The following COPE variants were observed in gnomAD, a reference collection of about 807,000 sequenced individuals.
The protein encoded by COPE is coat protein complex I subunit epsilon.
A neutral mutation model predicts 42.1 loss-of-function variants in COPE; 19 were observed. That is an observed-to-expected ratio of 0.45 (90% CI 0.31 to 0.66). COPE has a LOEUF of 0.66. COPE is among the 30% of genes least tolerant of loss of function. The probability of loss-of-function intolerance (pLI) is 0.05; values close to 1 mark genes in which losing one functional copy is unlikely to be tolerated. For synonymous variants in COPE, 195 were observed against 181.3 expected (o/e 1.08, Z -0.60); for missense variants, 402 against 416.1 (o/e 0.97, Z 0.30).
In COPE at chr19:18,913,014, G is replaced by A. The variant is rs750889117; in HGVS notation, c.159C>T (p.Asp53=). ...LSSPERDVER[D]VFLYRAYLAQ... ...CCAGGTACGCTCTATACAGGAAGAC[G>A]TCCCTCTCCACGTCTCTCTCTGGGC... is the stretch of plus-strand genomic sequence containing the variant. Residue 53 remains aspartate (D), a synonymous_variant, in exon 2 of 10, where the codon GAC becomes GAT. Transcript: ENST00000262812. The A allele has an allele frequency of 7.4e-6, 12 of 1,611,834 alleles. No homozygotes were observed. Among genetic ancestry groups the A allele is most frequent in the Middle Eastern group, 1.6e-4 (1 of 6,082 alleles).
intron 1 of COPE, among the ~76,000 whole-genome samples, chr19:18,915,457 T>C (rs969492055): frequency 6.6e-6 from 1 of 152,234 alleles, no homozygotes; most frequent in East Asian, 1.9e-4. Flanking sequence ...GGAACCGTTG[T>C]GGTTTTCCTC....
Position 18,910,951 on chromosome 19 carries a change from C to T in COPE, c.290+20G>A, listed in dbSNP as rs1411639027. 6.2e-7 allele frequency: 1 copy of T among 1,612,036 alleles called. No homozygotes were observed. Among genetic ancestry groups the T allele is most frequent in the South Asian group, 1.1e-5 (1 of 91,052 alleles). On this transcript the variant is annotated intron_variant, in intron 3 of 9. Coordinates refer to ENST00000262812, the MANE Select transcript of COPE (RefSeq NM_007263.4). ...AAGATGGCCCCGCGCCTCAGGCCAA[C>T]CCATTCTCTGGGGCCTCACCTCCGA... is the stretch of plus-strand genomic sequence containing the variant.
Position 18,900,389 on chromosome 19 carries a change from G to A in COPE, c.796C>T (p.Pro266Ser). Residue 266 changes from proline to serine, a missense_variant, in exon 8 of 10, where the codon CCC becomes TCC. Coordinates refer to ENST00000262812, the MANE Select transcript of COPE (RefSeq NM_007263.4). ...CCCTGGGGGCCGCTTACCTCAGGGG[G>A]CTTGCCCAGGTGCTGGGACAGGACG... ...LIVLSQHLGK[P>S]PEVTNRYLSQ... 4 of 1,548,680 alleles carry A rather than the reference G, an allele frequency of 2.6e-6. No individual in the cohort carries two copies. Among genetic ancestry groups the A allele is most frequent in the Non-Finnish European group, 3.5e-6 (4 of 1,145,606 alleles).
At position 18,919,250 on chromosome 19, in the gene COPE, C is replaced by A. The variant is rs771538362; in HGVS notation, c.99G>T (p.Gln33His). The A allele has an allele frequency of 1.2e-6, 2 of 1,613,764 alleles. No homozygotes were observed. The highest frequency in any genetic ancestry group is 1.7e-6 in the Non-Finnish European group (2 of 1,179,966). The change falls in exon 1 of 10, where the codon CAG (glutamine) becomes CAT (histidine). Residue 33 changes from glutamine (Q) to histidine (H), a missense_variant. Coordinates refer to ENST00000262812, the MANE Select transcript of COPE (RefSeq NM_007263.4). ...KNAFYIGSYQ[Q>H]CINEAQRVKL... ...TCACCCGCTGCGCCTCGTTTATGCA[C>A]TGCTGGTAGCTGCCGATGTAGAAGG...
chr19:18,900,023 G>A lies in COPE; in HGVS notation c.805-76C>T, dbSNP rs543731999. On this transcript the variant is annotated intron_variant, in intron 8 of 9. Transcript: ENST00000262812. ...GGCTCTGACCTGCTGGACAGGGGTG[G>A]ATTGGGGTGAGAGCCACAGTACCCC... The A allele has an allele frequency of 4.5e-6, 6 of 1,324,214 alleles. No individual in the cohort carries two copies. In the African/African-American group the frequency reaches 5.8e-5, roughly 13 times the overall value. The allele number at this position is 1,324,214 out of a possible 1,614,324, so 82.0% of individuals were successfully genotyped here.
chr19:18,916,267 G>C (rs2056852846), intron 1 of COPE, among the ~76,000 whole-genome samples: 1 of 150,694 alleles, frequency 6.6e-6, no homozygotes, highest in Non-Finnish European at 1.5e-5. Context: ...GCAGGAGAAT[G>C]GTGTGAACCC....
At chr19:18,905,745 C>T in intron 4 of COPE, 116 bp from the exon 5 acceptor site, 1 of 1,011,340 alleles carries the variant, frequency 9.9e-7, no homozygotes, top group Non-Finnish European at 1.4e-6. Flanking sequence ...GTGCTTAGGA[C>T]CACCAGCCCC....
In COPE at chr19:18,902,716, A is replaced by AAAGGAAGGAAAGGAAGGAAAGG. The variant is rs1555709088; in HGVS notation, c.735+551_735+552insCCTTTCCTTCCTTTCCTTCCTT. 6.3e-5 allele frequency among the ~76,000 whole-genome samples: 2 copies of AAAGGAAGGAAAGGAAGGAAAGG among 31,854 alleles called. 1 individual carries two copies. Among genetic ancestry groups the AAAGGAAGGAAAGGAAGGAAAGG allele is most frequent in the Non-Finnish European group, 1.2e-4 (2 of 16,520 alleles). The allele number at this position is 31,854 out of a possible 152,430, so 20.9% of individuals were successfully genotyped here. On this transcript the variant is annotated intron_variant, in intron 7 of 9. Transcript: ENST00000262812. ...AGGAAGGAAAGGAAGGAAAGGAAGG[A>AAAGGAAGGAAAGGAAGGAAAGG]AAGGAAAGGAAGGAAAGGAAGGAAA...
rs777297186 is a variant in COPE at position 18,903,271 on chromosome 19, G to C, written c.732C>G (p.Asp244Glu). The C allele has an allele frequency of 1.3e-5, 20 of 1,590,446 alleles. No homozygotes were observed. Among genetic ancestry groups the C allele is most frequent in the Non-Finnish European group, 1.6e-5 (19 of 1,168,998 alleles). Residue 244 changes from aspartate to glutamate, a missense_variant, in exon 7 of 10, where the codon GAC (aspartate) becomes GAG (glutamate). Coordinates refer to ENST00000262812, the MANE Select transcript of COPE (RefSeq NM_007263.4). ...AAEGLLQEAL[D>E]KDSGYPETLV... The stretch of plus-strand genomic sequence containing the variant: ...TCTGGGACAGGCTTGTGCCTACCTT[G>C]TCTAGCGCCTCCTGCAGCAGGCCCT...
Position 18,906,961 on chromosome 19 carries a change from A to C in COPE, c.442T>G (p.Cys148Gly), listed in dbSNP as rs1397276886. 6.4e-7 allele frequency: 1 copy of C among 1,556,248 alleles called. No homozygotes were observed. The highest frequency in any genetic ancestry group is 2.4e-5 in the East Asian group (1 of 41,468). ...RALHQGDSLE[C>G]TAMTVQILLK... ...CCCCAGAGCAGGGAGGCCACTCACC[A>C]CTCCAGGCTGTCCCCCTGGTGCAGC... The change falls in exon 4 of 10, where the codon TGC becomes GGC. Residue 148 changes from cysteine to glycine, a missense_variant and splice_region_variant. Physicochemically the swap from Cys to Gly is radical, Grantham distance 159 (BLOSUM62 -3). Transcript: ENST00000262812.
chr19:18,902,767 GGGAAAGAAGGAA>G lies in COPE; in HGVS notation c.735+489_735+500del, dbSNP rs1392050844. ...GGAAGGAAAGGAAGGAAGGAAGGAA[GGGAAAGAAGGAA>G]GGAAGGAAGGAAGGAAGGAAGGAAG... On this transcript the variant is annotated intron_variant, in intron 7 of 9. Coordinates refer to ENST00000262812, the MANE Select transcript of COPE (RefSeq NM_007263.4). Among the ~76,000 whole-genome samples the G allele has an allele frequency of 2.8e-4, 8 of 29,076 alleles. 1 individual carries two copies. In the East Asian group the frequency reaches 2.8e-3, roughly 10 times the overall value. 19.1% of individuals were successfully genotyped at this position (29,076 alleles called of 152,430 possible). A position where few individuals can be genotyped will look rare whatever the true frequency, so the allele number is the denominator to read the frequency against.
rs760680804 is a variant in COPE, at chr19:18,911,030, C to T, written c.231G>A (p.Ser77=). 9.9e-6 allele frequency: 16 copies of T among 1,613,838 alleles called. No homozygotes were observed. The highest frequency in any genetic ancestry group is 2.2e-5 in the East Asian group (1 of 44,882). The change falls in exon 3 of 10, where the codon TCG becomes TCA. Residue 77 remains serine (S), a synonymous_variant. Coordinates refer to ENST00000262812, the MANE Select transcript of COPE (RefSeq NM_007263.4). ...TGCGCACGGCCTGGAGCTCAGGGGC[C>T]GAGGAGGGCTTGATCTCATCCAGGA... is the stretch of plus-strand genomic sequence containing the variant. ...GVVLDEIKPS[S]APELQAVRMF... is the part of the protein sequence containing the mutation.
chr19:18,916,071 C>T (rs1434876966), intron 1 of COPE, among the ~76,000 whole-genome samples: 1 of 150,644 alleles, frequency 6.6e-6, no homozygotes, highest in Non-Finnish European at 1.5e-5. Context: ...TGTAATCCCA[C>T]CTACTCGGGA....
At position 18,907,040 on chromosome 19, in the gene COPE, G is replaced by A. The variant is rs1028566823; in HGVS notation, c.363C>T (p.Leu121=). 11 of 1,605,522 alleles carry A rather than the reference G, an allele frequency of 6.9e-6. No homozygotes were observed. In the East Asian group the frequency reaches 9.0e-5, roughly 13 times the overall value. The part of the protein sequence containing the change: ...SVDVTNTTFL[L]MAASIYLHDQ... ...CGTGGAGATAGATGGAGGCGGCCAT[G>A]AGCAGGAAGGTGGTGTTGGTCACGT... The change falls in exon 4 of 10, where the codon CTC becomes CTT. Residue 121 remains leucine, a synonymous_variant. Coordinates refer to ENST00000262812, the MANE Select transcript of COPE (RefSeq NM_007263.4).
intron 2 of COPE, among the ~76,000 whole-genome samples, chr19:18,911,652 C>T (rs912452717): frequency 6.6e-6 from 1 of 151,124 alleles, no homozygotes; most frequent in Admixed American, 6.6e-5. Context: ...CCCAGGTTCA[C>T]ACCATTCTCC....
rs1231599471 is a variant in COPE, at chr19:18,902,702, GAAGGAAAGGAAGGA to G, written c.735+552_735+565del. 5.0e-4 allele frequency among the ~76,000 whole-genome samples: 30 copies of G among 60,562 alleles called. 2 individuals are homozygous for G. Among genetic ancestry groups the G allele is most frequent in the Admixed American group, 1.5e-3 (7 of 4,798 alleles). The allele number at this position is 60,562 out of a possible 152,430, so 39.7% of individuals were successfully genotyped here. ...AAAGAAGAAAGGAAAGGAAGGAAAG[GAAGGAAAGGAAGGA>G]AAGGAAAGGAAGGAAAGGAAGGAAA... On this transcript the variant is annotated intron_variant, in intron 7 of 9. Coordinates refer to ENST00000262812, the MANE Select transcript of COPE (RefSeq NM_007263.4).
rs188390536 is a variant in COPE at position 18,918,621 on chromosome 19, G to A, written c.126+602C>T. On this transcript the variant is annotated intron_variant, in intron 1 of 9. Coordinates refer to ENST00000262812, the MANE Select transcript of COPE (RefSeq NM_007263.4). The stretch of plus-strand genomic sequence containing the variant: ...CCGGCTAATTTTTGGTAGACTCATG[G>A]TTTCTCCACGTTGCCCAAGCTGGTC... Among the ~76,000 whole-genome samples the A allele has an allele frequency of 2.6e-5, 4 of 152,204 alleles. No individual in the cohort carries two copies. The East Asian group carries it at 5.8e-4, about 22-fold the overall frequency.
At chr19:18,902,037 G>A (rs1234228033) in intron 7 of COPE, among the ~76,000 whole-genome samples, 1 of 151,870 alleles carries the variant, frequency 6.6e-6, no homozygotes, top group Non-Finnish European at 1.5e-5. Context: ...AAAATTAGCT[G>A]GGCATGGTGG....
intron 4 of COPE, chr19:18,906,157 G>A (rs2056757245): frequency 2.5e-6 from 1 of 396,622 alleles, no homozygotes; most frequent in African/African-American, 2.1e-5. Context: ...GCACCGAGTC[G>A]GCCGGCTCGC....
Sources: allele counts gnomAD v4.1 joint callset (sites outside exome capture counted in the v4.1 genomes callset), GRCh38; gene constraint gnomAD v4.1.1; transcripts MANE v1.5; gene names NCBI Gene and HGNC (gene_info 2026-07-23, HGNC 2026-07-21).